The following CES5A variants were observed in gnomAD, a reference collection of about 807,000 sequenced individuals.
The protein encoded by CES5A is carboxylesterase 5.
In CES5A, 67 loss-of-function variants were observed where a neutral mutation model predicts 62.9. The ratio of observed to expected loss-of-function variants is 1.07; its 90% confidence interval spans 0.88 to 1.31. The LOEUF (loss-of-function observed/expected upper bound fraction) is 1.31, where lower values mean the gene tolerates loss of function less well. Among genes scored for constraint, CES5A ranks in the 50% most tolerant of loss-of-function variants. The pLI is 0.00. For missense variants in CES5A, 748 were observed against 708.5 expected (o/e 1.06, Z -0.63); for synonymous variants, 296 against 280.8 (o/e 1.05, Z -0.54).
At chr16:55,952,597 A>G (rs1374327018) in intron 1 of CES5A, among the ~76,000 whole-genome samples, 2 of 152,156 alleles carry the variant, frequency 1.3e-5, no homozygotes, top group African/African-American at 2.4e-5. Flanking sequence ...GACATAGTAT[A>G]CAAAGCACAT....
chr16:55,911,478 T>C (rs2034092244), intron 1 of CES5A, among the ~76,000 whole-genome samples: 1 of 152,198 alleles, frequency 6.6e-6, no homozygotes, highest in Non-Finnish European at 1.5e-5. Flanking sequence ...CTCCAAAATA[T>C]GCCAAAACAA....
At chr16:55,856,483 C>T in intron 8 of CES5A, 38 bp from the exon 9 acceptor site, 1 of 1,601,158 alleles carries the variant, frequency 6.2e-7, no homozygotes, top group Non-Finnish European at 8.6e-7. Context: ...GCCATCTGGT[C>T]ATGAGAAGGT....
At chr16:55,874,082 C>T in intron 1 of CES5A, 45 bp from the exon 2 acceptor site, 4 of 1,530,720 alleles carry the variant, frequency 2.6e-6, no homozygotes, top group Non-Finnish European at 3.5e-6. Context: ...TGGGGACAGG[C>T]AGGGCAATGG....
intron 2 of CES5A, among the ~76,000 whole-genome samples, chr16:55,938,249 T>C (rs1442427100): frequency 6.6e-6 from 1 of 152,190 alleles, no homozygotes; most frequent in Admixed American, 6.5e-5. Flanking sequence ...TGCACATTAA[T>C]GTAGCCAGCA....
chr16:55,919,636 G>T (rs903035409), intron 1 of CES5A, among the ~76,000 whole-genome samples: 31 of 152,170 alleles, frequency 2.0e-4, no homozygotes, highest in African/African-American at 6.8e-4. Context: ...AACAACCTTT[G>T]TGAATGATTT....
chr16:55,854,531 C>CTTTTTGTTTTCTTTCT lies in CES5A; in HGVS notation c.1126-1504_1126-1503insAGAAAGAAAACAAAAA, dbSNP rs2033195292. On this transcript the variant is annotated intron_variant, in intron 9 of 12. Transcript: ENST00000290567. Reference sequence around the variant, plus strand: ...TGAGGGATATCTGCCTGTAGTGTTTCTTTTTTTTTTTTCTTTTTTTTTTTT... The same window carrying CTTTTTGTTTTCTTTCT: ...TGAGGGATATCTGCCTGTAGTGTTTCTTTTTGTTTTCTTTCTTTTTTTTTTTTTCTTTTTTTTTTTT... Among the ~76,000 whole-genome samples the CTTTTTGTTTTCTTTCT allele has an allele frequency of 3.8e-5, 2 of 52,164 alleles. 1 individual carries two copies. Among genetic ancestry groups the CTTTTTGTTTTCTTTCT allele is most frequent in the Non-Finnish European group, 7.1e-5 (2 of 28,072 alleles). The allele number at this position is 52,164 out of a possible 152,430, so 34.2% of individuals were successfully genotyped here.
rs144676377 is a variant in CES5A, at chr16:55,919,377, G to A, written c.-256+5946C>T. On this transcript the variant is annotated intron_variant, in intron 1 of 12. Coordinates refer to the CES5A transcript ENST00000518005. ...TGGGTGCCACTGTGATTAGTTTCAT[G>A]TCCATTGCCTGCTGGTTAAAGCCTG... 2.5e-3 allele frequency among the ~76,000 whole-genome samples: 387 copies of A among 152,348 alleles called. 2 individuals carry two copies. The highest frequency in any genetic ancestry group is 8.3e-3 in the African/African-American group (347 of 41,586).
chr16:55,946,094 G>A (rs2034491994), intron 2 of CES5A, among the ~76,000 whole-genome samples: 1 of 152,228 alleles, frequency 6.6e-6, no homozygotes, highest in African/African-American at 2.4e-5. Context: ...CATGATTGCA[G>A]TAAAGTCCCT....
intron 2 of CES5A, chr16:55,944,328 G>A: frequency 1.8e-6 from 1 of 563,478 alleles, no homozygotes; most frequent in Non-Finnish European, 3.2e-6. Context: ...TAAAAGGTAA[G>A]AACATGCTTT....
At chr16:55,848,334 G>C (rs2033058459) in intron 11 of CES5A, among the ~76,000 whole-genome samples, 1 of 151,682 alleles carries the variant, frequency 6.6e-6, no homozygotes, top group Non-Finnish European at 1.5e-5. Flanking sequence ...TCCCAAACTG[G>C]TCTGGAACTC....
chr16:55,949,823 A>T lies in CES5A; in HGVS notation c.122T>A (p.Leu41Ter). ...AGTGTAGTTTAAGACATCAATCCTC[A>T]ATACATACAAAGTTGAGGAGGCTGG... is the stretch of plus-strand genomic sequence containing the variant. Residue 41 changes from leucine to a stop codon, truncating the protein, a stop_gained, in exon 2 of 14, where the codon TTG (leucine) becomes TAG (stop). Coordinates refer to the CES5A transcript ENST00000521992. LOFTEE classifies it high-confidence loss of function. The T allele has an allele frequency of 7.9e-6, 12 of 1,520,098 alleles. No individual in the cohort carries two copies. Among genetic ancestry groups the T allele is most frequent in the Non-Finnish European group, 1.1e-5 (12 of 1,137,716 alleles). The allele number at this position is 1,520,098 out of a possible 1,614,324, so 94.2% of individuals were successfully genotyped here. A position where few individuals can be genotyped will look rare whatever the true frequency, so the allele number is the denominator to read the frequency against.
chr16:55,888,096 T>C (rs553789473), intron 1 of CES5A, among the ~76,000 whole-genome samples: 1 of 152,188 alleles, frequency 6.6e-6, no homozygotes, highest in African/African-American at 2.4e-5. Flanking sequence ...GCTTACCTGC[T>C]TTTTCTTTTT....
chr16:55,929,675 A>G (rs1028430546), upstream of CES5A, among the ~76,000 whole-genome samples: 16 of 152,204 alleles, frequency 1.1e-4, no homozygotes, highest in African/African-American at 3.9e-4. Context: ...AAACTAGCAA[A>G]AATTTACATG....
chr16:55,847,478 A>G (rs1409929492), intron 11 of CES5A, among the ~76,000 whole-genome samples: 1 of 152,182 alleles, frequency 6.6e-6, no homozygotes. Flanking sequence ...TCCAAAATGC[A>G]GAAAGAGATC....
At chr16:55,950,863 A>G (rs1350050503) in intron 1 of CES5A, among the ~76,000 whole-genome samples, 2 of 151,806 alleles carry the variant, frequency 1.3e-5, no homozygotes, top group Non-Finnish European at 2.9e-5. Context: ...AGCACTTTGG[A>G]AGGCCAAGGC....
chr16:55,948,309 A>G (rs1227124558), intron 2 of CES5A, among the ~76,000 whole-genome samples: 1 of 152,154 alleles, frequency 6.6e-6, no homozygotes, highest in Non-Finnish European at 1.5e-5. Context: ...TTTGATTAGC[A>G]CTCACTGAAT....
chr16:55,867,676 T>C (rs13332521), intron 4 of CES5A, among the ~76,000 whole-genome samples: 2,964 of 152,266 alleles, frequency 0.019, 94 homozygotes, highest in African/African-American at 0.064. Context: ...CATTATACCT[T>C]AGTGGTTACT....
At chr16:55,871,290 C>A (rs1327889940) in intron 3 of CES5A, among the ~76,000 whole-genome samples, 1 of 152,090 alleles carries the variant, frequency 6.6e-6, no homozygotes. Flanking sequence ...TAAAATTATT[C>A]TTTTTGAAAA....
At chr16:55,846,885 G>C in intron 11 of CES5A, 45 bp from the exon 12 acceptor site, 2 of 1,511,592 alleles carry the variant, frequency 1.3e-6, no homozygotes, top group Non-Finnish European at 1.8e-6. Flanking sequence ...GGTGAGGCTC[G>C]GGAAGCCCCG....
Sources: allele counts gnomAD v4.1 joint callset (sites outside exome capture counted in the v4.1 genomes callset), GRCh38; gene constraint gnomAD v4.1.1; transcripts MANE v1.5; gene names NCBI Gene and HGNC (gene_info 2026-07-23, HGNC 2026-07-21).